NEGR1: variants seen among roughly 807,000 people sequenced by gnomAD.
NEGR1 encodes IgLON family member 4.
Under a neutral mutation model 40.9 loss-of-function variants are expected in NEGR1, and 10 were observed. The ratio of observed to expected loss-of-function variants is 0.24; its 90% confidence interval spans 0.15 to 0.42. The LOEUF is 0.42. Ranked by LOEUF, NEGR1 falls within the 10% of genes least tolerant of loss-of-function variation. The pLI is 1.00. For synonymous variants in NEGR1, 185 were observed against 166.8 expected, an observed-to-expected ratio of 1.11 and a Z score of -0.84; for missense variants, 352 against 438.9, an observed-to-expected ratio of 0.80 and a Z score of 1.77.
chr1:71,788,677 A>G (rs1033066850), intron 2 of NEGR1, among the ~76,000 whole-genome samples: 3 of 149,356 alleles, frequency 2.0e-5, no homozygotes, highest in South Asian at 2.1e-4. Context: ...GAATACAAGC[A>G]TGTGTGTGTG....
chr1:71,605,910 C>A (rs948195050), intron 5 of NEGR1, among the ~76,000 whole-genome samples: 1 of 152,040 alleles, frequency 6.6e-6, no homozygotes, highest in Admixed American at 6.6e-5. Flanking sequence ...AAACTAAAAG[C>A]CACATGACTA....
chr1:71,423,723 C>T (rs1341746096), intron 6 of NEGR1, among the ~76,000 whole-genome samples: 1 of 151,882 alleles, frequency 6.6e-6, no homozygotes, highest in Non-Finnish European at 1.5e-5. Context: ...AATTATCAAA[C>T]TTTTGGGCAG....
chr1:72,069,763 A>G (rs1482872151), intron 1 of NEGR1, among the ~76,000 whole-genome samples: 1 of 152,180 alleles, frequency 6.6e-6, no homozygotes, highest in African/African-American at 2.4e-5. Context: ...AAACAGCTTT[A>G]GAAATAAATT....
intron 1 of NEGR1, among the ~76,000 whole-genome samples, chr1:72,247,309 G>C (rs1337953977): frequency 1.3e-5 from 2 of 152,094 alleles, no homozygotes; most frequent in Non-Finnish European, 2.9e-5. Context: ...ACGTGGCCAG[G>C]CTGCTAATTT....
At chr1:71,435,370 A>G (rs1390081359) in intron 6 of NEGR1, among the ~76,000 whole-genome samples, 1 of 152,136 alleles carries the variant, frequency 6.6e-6, no homozygotes, top group East Asian at 1.9e-4. Context: ...TGATAATTTT[A>G]GAAAGAGAGT....
chr1:72,121,016 C>T (rs142379479), intron 1 of NEGR1, among the ~76,000 whole-genome samples: 37 of 152,164 alleles, frequency 2.4e-4, no homozygotes, highest in South Asian at 4.1e-4. Flanking sequence ...TGTAGATTGA[C>T]TCTATTTAAA....
intron 1 of NEGR1, among the ~76,000 whole-genome samples, chr1:72,089,900 A>G (rs1232781470): frequency 6.6e-6 from 1 of 152,096 alleles, no homozygotes; most frequent in Non-Finnish European, 1.5e-5. Flanking sequence ...TGTGGTACGG[A>G]GATTTATATA....
chr1:71,681,878 G>A (rs1394435422), intron 4 of NEGR1, among the ~76,000 whole-genome samples: 1 of 152,144 alleles, frequency 6.6e-6, no homozygotes, highest in East Asian at 1.9e-4. Context: ...CCAAGTTGGT[G>A]TGCAGTGGTG....
At chr1:71,556,650 C>G (rs1570026863) in intron 6 of NEGR1, among the ~76,000 whole-genome samples, 1 of 149,892 alleles carries the variant, frequency 6.7e-6, no homozygotes, top group Non-Finnish European at 1.5e-5. Flanking sequence ...CACACACACA[C>G]ACATACACAC....
intron 2 of NEGR1, among the ~76,000 whole-genome samples, chr1:71,786,816 G>A (rs1656926872): frequency 6.6e-6 from 1 of 152,110 alleles, no homozygotes; most frequent in East Asian, 1.9e-4. Context: ...GTAGAGTTGT[G>A]GAAGAAATAA....
At chr1:72,205,876 G>T (rs1057227290) in intron 1 of NEGR1, among the ~76,000 whole-genome samples, 1 of 149,832 alleles carries the variant, frequency 6.7e-6, no homozygotes, top group Non-Finnish European at 1.5e-5. Flanking sequence ...CAGGGAGGTC[G>T]AGGCTGCAAT....
intron 1 of NEGR1, among the ~76,000 whole-genome samples, chr1:72,182,804 G>C (rs964349851): frequency 7.0e-6 from 1 of 143,584 alleles, no homozygotes; most frequent in Non-Finnish European, 1.5e-5. Flanking sequence ...ATATATGTTT[G>C]TATGTGTATA....
intron 3 of NEGR1, among the ~76,000 whole-genome samples, chr1:71,742,352 A>G (rs1372771876): frequency 6.6e-6 from 1 of 152,108 alleles, no homozygotes; most frequent in East Asian, 1.9e-4. Context: ...CTATAGAGAC[A>G]GGATAACTGC....
At chr1:71,646,191 T>G (rs1159264242) in intron 4 of NEGR1, among the ~76,000 whole-genome samples, 2 of 151,794 alleles carry the variant, frequency 1.3e-5, no homozygotes, top group Non-Finnish European at 2.9e-5. Context: ...CATATTGTTT[T>G]GTACATATAT....
chr1:71,754,075 A>T (rs1232083036), intron 3 of NEGR1, among the ~76,000 whole-genome samples: 1 of 152,182 alleles, frequency 6.6e-6, no homozygotes. Flanking sequence ...ACTATCAAAA[A>T]GAGGAGACTC....
intron 4 of NEGR1, among the ~76,000 whole-genome samples, chr1:71,679,786 T>A (rs1652769488): frequency 6.6e-6 from 1 of 152,154 alleles, no homozygotes; most frequent in Non-Finnish European, 1.5e-5. Flanking sequence ...GCAAATAATT[T>A]TTCAATATTA....
At chr1:71,562,613 A>G (rs1648496995) in intron 6 of NEGR1, among the ~76,000 whole-genome samples, 1 of 151,912 alleles carries the variant, frequency 6.6e-6, no homozygotes, top group African/African-American at 2.4e-5. Context: ...TTTAGTTCTC[A>G]CCTTTTAAAA....
At chr1:71,797,564 A>T (rs1657385151) in intron 2 of NEGR1, among the ~76,000 whole-genome samples, 1 of 152,226 alleles carries the variant, frequency 6.6e-6, no homozygotes. Flanking sequence ...AGTGATTTAG[A>T]GGAAAATGTA....
At chr1:71,477,676 C>G (rs1014671257) in intron 6 of NEGR1, among the ~76,000 whole-genome samples, 1 of 152,002 alleles carries the variant, frequency 6.6e-6, no homozygotes, top group African/African-American at 2.4e-5. Context: ...CAGTGGGGTG[C>G]TTTAAAGAAA....
Sources: gnomAD v4.1 joint callset for allele counts (sites outside exome capture counted in the v4.1 genomes callset) on GRCh38, gnomAD v4.1.1 for gene constraint, MANE v1.5 for transcripts, NCBI Gene and HGNC (gene_info 2026-07-23, HGNC 2026-07-21) for gene names.